The following FLI1 variants were observed in gnomAD, a reference collection of about 807,000 sequenced individuals.
FLI1 encodes the protein Friend leukemia integration 1 transcription factor.
Under a neutral mutation model 53.1 loss-of-function variants are expected in FLI1, and 13 were observed. That is an observed-to-expected ratio of 0.24 (90% CI 0.16 to 0.39). The LOEUF (loss-of-function observed/expected upper bound fraction) is 0.39. FLI1 is among the 10% of genes least tolerant of loss of function. The pLI is 1.00. For missense variants in FLI1, 424 were observed against 600.5 expected (o/e 0.71, Z 3.07); for synonymous variants, 244 against 236.7 (o/e 1.03, Z -0.28).
intron 4 of FLI1, among the ~76,000 whole-genome samples, chr11:128,774,000 C>T (rs1250642280): frequency 1.3e-5 from 2 of 151,930 alleles, no homozygotes; most frequent in African/African-American, 2.4e-5. Context: ...GATTTTAAGC[C>T]CCCTTCGCAA....
chr11:128,758,733 C>T (rs4558174), intron 2 of FLI1, among the ~76,000 whole-genome samples: 7,877 of 152,242 alleles, frequency 0.052, 477 homozygotes, highest in East Asian at 0.27. Flanking sequence ...CAAAGGTGAC[C>T]AAACCATTCT....
At chr11:128,745,049 G>A (rs892651000) in intron 1 of FLI1, among the ~76,000 whole-genome samples, 3 of 152,170 alleles carry the variant, frequency 2.0e-5, no homozygotes, top group African/African-American at 4.8e-5. Context: ...AGAAGACAGG[G>A]AGGCAATTCT....
chr11:128,756,909 G>A (rs1045482232), intron 1 of FLI1, among the ~76,000 whole-genome samples: 2 of 152,096 alleles, frequency 1.3e-5, no homozygotes, highest in South Asian at 2.1e-4. Context: ...TGTTGTTGTT[G>A]TTTCGAGACT....
At chr11:128,748,146 C>A in intron 1 of FLI1, 1 of 386,354 alleles carries the variant, frequency 2.6e-6, no homozygotes, top group Non-Finnish European at 3.5e-6. Context: ...AGATCCTCTT[C>A]TCTGTGCTCA....
At chr11:128,746,673 C>T (rs891080492) in intron 1 of FLI1, among the ~76,000 whole-genome samples, 1 of 152,166 alleles carries the variant, frequency 6.6e-6, no homozygotes, top group East Asian at 1.9e-4. Context: ...ACTATTTCAA[C>T]CCTGCAGTGG....
intron 5 of FLI1, among the ~76,000 whole-genome samples, chr11:128,794,738 G>C (rs541656600): frequency 3.9e-5 from 6 of 152,216 alleles, no homozygotes; most frequent in Non-Finnish European, 7.3e-5. Context: ...CCCAGGTTGT[G>C]AGTGGGCTTT....
At chr11:128,760,980 G>A (rs504132) in intron 2 of FLI1, among the ~76,000 whole-genome samples, 3,237 of 152,184 alleles carry the variant, frequency 0.021, 55 homozygotes, top group Middle Eastern at 0.034. Context: ...TCTATTCTCC[G>A]GACAGCAAGC....
At chr11:128,714,463 A>G (rs1183450601) in intron 1 of FLI1, among the ~76,000 whole-genome samples, 4 of 152,220 alleles carry the variant, frequency 2.6e-5, no homozygotes, top group African/African-American at 9.7e-5. Context: ...CATGCTGTCT[A>G]TATCTGGTGT....
In FLI1 at chr11:128,694,200, C is replaced by T. The variant is rs1359421921; in HGVS notation, c.-59C>T. On this transcript the variant is annotated 5_prime_UTR_variant, in exon 1 of 9. Transcript: ENST00000527786. Reference sequence around the variant, plus strand: ...GGCTAATCCGAAGGGGCTGCGAGGTCAGGCTGTAACCGGGTCAATGTGTGG... The same window carrying T: ...GGCTAATCCGAAGGGGCTGCGAGGTTAGGCTGTAACCGGGTCAATGTGTGG... 58 of 1,512,014 alleles carry T rather than the reference C, an allele frequency of 3.8e-5. No individual in the cohort carries two copies. Among genetic ancestry groups the T allele is most frequent in the Non-Finnish European group, 5.0e-5 (56 of 1,130,734 alleles). The allele number at this position is 1,512,014 out of a possible 1,614,324, so 93.7% of individuals were successfully genotyped here.
intron 1 of FLI1, among the ~76,000 whole-genome samples, chr11:128,704,049 G>A (rs1157768587): frequency 1.3e-5 from 2 of 152,244 alleles, no homozygotes; most frequent in East Asian, 3.9e-4. Flanking sequence ...CTAGCTATGG[G>A]ATGTTAGGCA....
Position 128,775,262 on chromosome 11 carries a change from A to G in FLI1, c.589+2277A>G, listed in dbSNP as rs1000240127. 6.6e-5 allele frequency among the ~76,000 whole-genome samples: 10 copies of G among 152,290 alleles called. No individual in the cohort carries two copies. In the East Asian group the frequency reaches 1.9e-3, roughly 29 times the overall value. ...ACACCATGAGAAGTGCTTAGGATAC[A>G]ATGTTGGGTGGAAAAGCTCATTATA... On this transcript the variant is annotated intron_variant, in intron 4 of 8. Coordinates refer to ENST00000527786, the MANE Select transcript of FLI1 (RefSeq NM_002017.5).
chr11:128,788,546 C>T (rs1017890132), intron 5 of FLI1, among the ~76,000 whole-genome samples: 2 of 151,980 alleles, frequency 1.3e-5, no homozygotes, highest in South Asian at 2.1e-4. Context: ...TGCATGTAAT[C>T]GAAAAACAAC....
intron 1 of FLI1, among the ~76,000 whole-genome samples, chr11:128,728,093 A>G (rs1409939451): frequency 6.6e-6 from 1 of 152,268 alleles, no homozygotes; most frequent in Non-Finnish European, 1.5e-5. Context: ...CCTTCAGCAG[A>G]GTAGCTCCGC....
intron 1 of FLI1, among the ~76,000 whole-genome samples, chr11:128,711,663 A>G (rs2135719137): frequency 6.6e-6 from 1 of 152,366 alleles, no homozygotes; most frequent in Non-Finnish European, 1.5e-5. Context: ...ATTATACATA[A>G]TGGCGATTTC....
At chr11:128,690,828 C>T (rs1937708484), upstream of FLI1, among the ~76,000 whole-genome samples, 1 of 152,166 alleles carries the variant, frequency 6.6e-6, no homozygotes, top group Non-Finnish European at 1.5e-5. Context: ...TGAGCTGCCT[C>T]TGACTTGAAA....
In FLI1 at chr11:128,812,534, C is replaced by T; in HGVS notation, c.*1546C>T. On this transcript the variant is annotated 3_prime_UTR_variant, in exon 9 of 9. Transcript: ENST00000527786. ...TTTTTCGAATGTACCTACTGCAGTA[C>T]AGCAGAAGGTAAAAAATCAGTGTGG... 4.4e-6 allele frequency: 1 copy of T among 224,776 alleles called. No individual in the cohort carries two copies. The highest frequency in any genetic ancestry group is 6.4e-5 in the East Asian group (1 of 15,520). 13.9% of individuals were successfully genotyped at this position (224,776 alleles called of 1,614,324 possible).
intron 5 of FLI1, among the ~76,000 whole-genome samples, chr11:128,791,171 G>A (rs1398359043): frequency 6.6e-6 from 1 of 152,094 alleles, no homozygotes; most frequent in East Asian, 1.9e-4. Context: ...GATCCCCCTG[G>A]AGCGTAGAGG....
chr11:128,762,716 G>A (rs1403787261), intron 2 of FLI1, among the ~76,000 whole-genome samples: 1 of 152,174 alleles, frequency 6.6e-6, no homozygotes, highest in Non-Finnish European at 1.5e-5. Flanking sequence ...CCAGCACTTT[G>A]GGAGGCCAAG....
At chr11:128,776,292 C>T (rs867580234) in intron 4 of FLI1, among the ~76,000 whole-genome samples, 1 of 152,134 alleles carries the variant, frequency 6.6e-6, no homozygotes, top group African/African-American at 2.4e-5. Context: ...CCCTCCCCCC[C>T]ACCACCACAG....
Sources: gnomAD v4.1 joint callset for allele counts (sites outside exome capture counted in the v4.1 genomes callset) on GRCh38, gnomAD v4.1.1 for gene constraint, MANE v1.5 for transcripts, NCBI Gene and HGNC (gene_info 2026-07-23, HGNC 2026-07-21) for gene names.